NEK5: variants seen among roughly 807,000 people sequenced by gnomAD.
The protein encoded by NEK5 is serine/threonine-protein kinase Nek5.
Under a neutral mutation model 109.2 loss-of-function variants are expected in NEK5, and 88 were observed. The observed-to-expected ratio is 0.81, with a 90% CI of 0.68 to 0.96. The LOEUF (loss-of-function observed/expected upper bound fraction) is 0.96, where lower values mean the gene tolerates loss of function less well. Among genes scored for constraint, NEK5 ranks in the 40% least tolerant of loss-of-function variants. NEK5 has a pLI of 0.00. For synonymous variants in NEK5, 283 were observed against 299.9 expected (o/e 0.94, Z 0.58); for missense variants, 834 against 920.7 (o/e 0.91, Z 1.22).
At chr13:52,072,305 C>T (rs1396101753) in intron 19 of NEK5, among the ~76,000 whole-genome samples, 3 of 152,178 alleles carry the variant, frequency 2.0e-5, no homozygotes, top group Non-Finnish European at 4.4e-5. Context: ...CATAAGGCAA[C>T]TTAATTTTAT....
chr13:52,066,247 C>T (rs938406260), intron 20 of NEK5, among the ~76,000 whole-genome samples: 1 of 152,136 alleles, frequency 6.6e-6, no homozygotes, highest in Non-Finnish European at 1.5e-5. Context: ...TGTAATATAA[C>T]TAATCATTTC....
chr13:52,048,032 T>G (rs1954473960), intron 23 of NEK5, among the ~76,000 whole-genome samples: 1 of 151,998 alleles, frequency 6.6e-6, no homozygotes, highest in Non-Finnish European at 1.5e-5. Flanking sequence ...GGACAGAAAA[T>G]TACAGCTAGA....
rs763259178 is a variant in NEK5, at chr13:52,076,079, T to C, written c.1637A>G (p.Gln546Arg). Residue 546 changes from glutamine to arginine, a missense_variant, in exon 18 of 24, where the codon CAG becomes CGG. Physicochemically the swap from Gln to Arg is conservative, Grantham distance 43. This residue lies in a region of NEK5 where 777 missense variants were observed against 824.7 expected (regional missense o/e 0.94). Coordinates refer to ENST00000684899, the MANE Select transcript of NEK5 (RefSeq NM_001365552.1). ...ATTTCTTACCTTAGCTTTATATTTC[T>C]GTTCTGGATTTTTACTTTCCTTTGT... ...QNTKESKNPE[Q>R]KYKAKKGVKF... is the part of the protein sequence containing the mutation. 1 of 1,594,956 alleles carries C rather than the reference T, an allele frequency of 6.3e-7. No individual in the cohort carries two copies. Among genetic ancestry groups the C allele is most frequent in the South Asian group, 1.1e-5 (1 of 89,002 alleles).
chr13:52,063,996 T>TGG (rs367747989), intron 21 of NEK5, among the ~76,000 whole-genome samples: 3 of 97,900 alleles, frequency 3.1e-5, no homozygotes, highest in East Asian at 7.4e-4. Context: ...GGGAGGGAGG[T>TGG]GGGGGGGGGG....
intron 22 of NEK5, among the ~76,000 whole-genome samples, chr13:52,056,921 A>T (rs936149792): frequency 2.6e-5 from 4 of 152,216 alleles, no homozygotes; most frequent in Non-Finnish European, 5.9e-5. Flanking sequence ...TTCAAAAGCT[A>T]GCAGAACGCA....
chr13:52,064,985 G>A (rs952509287), intron 21 of NEK5: 19 of 266,628 alleles, frequency 7.1e-5, no homozygotes, highest in East Asian at 2.1e-4. Context: ...CAAACACTGC[G>A]GAAGGCCACA....
chr13:52,065,157 A>G (rs763128410), intron 21 of NEK5: 21 of 417,914 alleles, frequency 5.0e-5, no homozygotes, highest in Non-Finnish European at 8.2e-5. Flanking sequence ...GACCCTATGA[A>G]ATCGCAAAAA....
chr13:52,115,373 G>A (rs1955836826), intron 4 of NEK5, among the ~76,000 whole-genome samples: 1 of 151,662 alleles, frequency 6.6e-6, no homozygotes, highest in Non-Finnish European at 1.5e-5. Context: ...GGGAGGCCGA[G>A]ATGAGTGGAT....
At chr13:52,063,032 T>TCCCTCTCCCCATGGTCC (rs1566738747) in intron 21 of NEK5, among the ~76,000 whole-genome samples, 14 of 151,102 alleles carry the variant, frequency 9.3e-5, no homozygotes, top group East Asian at 7.8e-4. Context: ...TCTCTCCCTC[T>TCCCTCTCCCCATGGTCC]CCCTCTCCCC....
intron 22 of NEK5, among the ~76,000 whole-genome samples, chr13:52,051,228 G>T (rs1419622986): frequency 6.6e-6 from 1 of 151,460 alleles, no homozygotes; most frequent in Non-Finnish European, 1.5e-5. Context: ...GACTTCTGCT[G>T]AGAAAAATGT....
chr13:52,040,239 A>T (rs1797071691), intron 23 of NEK5, among the ~76,000 whole-genome samples: 1 of 151,948 alleles, frequency 6.6e-6, no homozygotes, highest in Non-Finnish European at 1.5e-5. Flanking sequence ...ACCTGCCACC[A>T]TGCCCAGCTA....
chr13:52,117,706 A>G (rs1199842137), intron 4 of NEK5, among the ~76,000 whole-genome samples: 2 of 152,172 alleles, frequency 1.3e-5, no homozygotes, highest in African/African-American at 2.4e-5. Context: ...GAGCCCCAAA[A>G]TTCATTAAGT....
intron 3 of NEK5, among the ~76,000 whole-genome samples, chr13:52,122,090 T>C (rs1955983202): frequency 6.6e-6 from 1 of 152,222 alleles, no homozygotes. Flanking sequence ...TTTGACCTGC[T>C]ACCACTTTAA....
In NEK5 at chr13:52,059,972, AT is replaced by A. The variant is rs1357089686; in HGVS notation, c.2110+1846del. On this transcript the variant is annotated intron_variant, in intron 22 of 23. Transcript: ENST00000684899. The stretch of plus-strand genomic sequence containing the variant: ...AGTATAATAATAAAAAAATAAAAAA[AT>A]AATAATAATCATAATAATAATTAGG... 1.4e-4 allele frequency among the ~76,000 whole-genome samples: 21 copies of A among 152,104 alleles called. No homozygotes were observed. The South Asian group carries it at 1.7e-3, about 12-fold the overall frequency.
chr13:52,061,787 A>C (rs1954616293), intron 22 of NEK5, 32 bp downstream of exon 22: 2 of 951,488 alleles, frequency 2.1e-6, no homozygotes, highest in Non-Finnish European at 2.5e-6. Context: ...TCCTCTGAGG[A>C]CTGGTTATGT....
Position 52,125,938 on chromosome 13 carries a change from G to A in NEK5, c.117+1428C>T, listed in dbSNP as rs182798836. 1.6e-4 allele frequency among the ~76,000 whole-genome samples: 25 copies of A among 152,290 alleles called. No homozygotes were observed. In the East Asian group the frequency reaches 4.1e-3, roughly 25 times the overall value. On this transcript the variant is annotated intron_variant, in intron 3 of 23. Transcript: ENST00000684899. ...GGGAAATAAATCATTATCCCTGGAA[G>A]CCAGTCATCTACTCTTGAGCTTTAA...
intron 12 of NEK5, among the ~76,000 whole-genome samples, chr13:52,093,897 C>G (rs1268829752): frequency 1.3e-5 from 2 of 152,102 alleles, no homozygotes; most frequent in African/African-American, 4.8e-5. Context: ...TATACCTTAC[C>G]ATACTTTACA....
chr13:52,065,497 G>A lies in NEK5; in HGVS notation c.1962C>T (p.Pro654=). ...GCACAGACTCACTGTCAGGCCCCGT[G>A]GGGCAGGTGGAGGTGATGTCGGCCA... ...MAVADITSTC[P]TGPDNGQVIV... The change falls in exon 21 of 24, where the codon CCC becomes CCT. Residue 654 remains proline (P), a synonymous_variant. Transcript: ENST00000684899. 1.9e-6 allele frequency: 3 copies of A among 1,613,988 alleles called. No individual in the cohort carries two copies. Among genetic ancestry groups the A allele is most frequent in the Non-Finnish European group, 1.7e-6 (2 of 1,179,852 alleles).
At chr13:52,078,389 T>C (rs1237964554) in intron 17 of NEK5, among the ~76,000 whole-genome samples, 1 of 152,124 alleles carries the variant, frequency 6.6e-6, no homozygotes, top group Non-Finnish European at 1.5e-5. Flanking sequence ...GATCCGTGAT[T>C]GCATGGGGAT....
Sources: gnomAD v4.1 joint callset for allele counts (sites outside exome capture counted in the v4.1 genomes callset) on GRCh38, gnomAD v4.1.1 for gene constraint, gnomAD v4.1.1 regional missense constraint, MANE v1.5 for transcripts, NCBI Gene and HGNC (gene_info 2026-07-23, HGNC 2026-07-21) for gene names.